The following MMD2 variants were observed in gnomAD, a reference collection of about 807,000 sequenced individuals.
MMD2 encodes the protein monocyte to macrophage differentiation associated 2, also known as monocyte to macrophage differentiation factor 2.
Under a neutral mutation model 33.5 loss-of-function variants are expected in MMD2, and 30 were observed. The ratio of observed to expected loss-of-function variants is 0.90; its 90% CI spans 0.67 to 1.22. The LOEUF (loss-of-function observed/expected upper bound fraction) is 1.22, where lower values mean the gene tolerates loss of function less well. Among genes scored for constraint, MMD2 ranks in the 50% most tolerant of loss-of-function variants. The probability of loss-of-function intolerance (pLI) is 0.00; values close to 1 mark genes in which losing one functional copy is unlikely to be tolerated. For missense variants in MMD2, 364 were observed against 325.4 expected (o/e 1.12, Z -0.91); for synonymous variants, 129 against 123.0 (o/e 1.05, Z -0.32).
At chr7:4,951,044 G>C (rs1392967584) in intron 1 of MMD2, among the ~76,000 whole-genome samples, 1 of 152,026 alleles carries the variant, frequency 6.6e-6, no homozygotes, top group Non-Finnish European at 1.5e-5. Context: ...CATTGCATAA[G>C]AGAGTGCCCT....
chr7:4,954,284 G>GTCTTTT (rs1381826434), intron 1 of MMD2, among the ~76,000 whole-genome samples: 1 of 151,960 alleles, frequency 6.6e-6, no homozygotes, highest in African/African-American at 2.4e-5. Context: ...TTGGTTATTT[G>GTCTTTT]TCTTTTTCTA....
At chr7:4,958,887 C>A in intron 1 of MMD2, 84 bp downstream of exon 1, 1 of 1,171,472 alleles carries the variant, frequency 8.5e-7, no homozygotes, top group Non-Finnish European at 1.1e-6. Context: ...GGCGGCGGGG[C>A]CCGAGAACCA....
At chr7:4,952,185 G>A (rs184803403) in intron 1 of MMD2, among the ~76,000 whole-genome samples, 2 of 152,334 alleles carry the variant, frequency 1.3e-5, no homozygotes, top group Non-Finnish European at 2.9e-5. Context: ...GCTCCCAGCG[G>A]CTTGCAGTCT....
chr7:4,934,915 G>A (rs1401213625), intron 1 of MMD2, among the ~76,000 whole-genome samples: 1 of 152,220 alleles, frequency 6.6e-6, no homozygotes, highest in Non-Finnish European at 1.5e-5. Context: ...GCCGAGCGGG[G>A]TGGCTCACGC....
At chr7:4,937,998 C>CTTTTTTTTTTTTTTTTTTTTTT (rs1785791916) in intron 1 of MMD2, among the ~76,000 whole-genome samples, 1 of 62,728 alleles carries the variant, frequency 1.6e-5, no homozygotes, top group Non-Finnish European at 3.2e-5. Flanking sequence ...TTTTTTCTTT[C>CTTTTTTTTTTTTTTTTTTTTTT]TTTCTTTTTT....
the MMD2 span, among the ~76,000 whole-genome samples, chr7:4,892,890 A>G: frequency 6.6e-6 from 1 of 151,728 alleles, no homozygotes; most frequent in African/African-American, 2.4e-5. Flanking sequence ...AATTTTTTGT[A>G]TTTTTAGTAC....
chr7:4,916,137 C>A (rs1785136934), intron 3 of MMD2, 58 bp from the exon 4 acceptor site: 1 of 1,535,484 alleles, frequency 6.5e-7, no homozygotes, highest in Non-Finnish European at 9.0e-7. Flanking sequence ...AGGGCCAGTG[C>A]CCCCAGAGCC....
At chr7:4,916,183 C>G (rs1785138110) in intron 3 of MMD2, 104 bp from the exon 4 acceptor site, 5 of 1,020,850 alleles carry the variant, frequency 4.9e-6, no homozygotes, top group African/African-American at 1.6e-5. Context: ...TACAGGTTAG[C>G]AGGGCTGGGC....
rs1386698485 is a variant in MMD2 at position 4,940,368 on chromosome 7, G to A, written c.48-14836C>T. Among the ~76,000 whole-genome samples, 1 of 152,134 alleles carries A rather than the reference G, an allele frequency of 6.6e-6. No individual in the cohort carries two copies. The highest frequency in any genetic ancestry group is 2.4e-5 in the African/African-American group (1 of 41,418). On this transcript the variant is annotated intron_variant, in intron 1 of 6. Transcript: ENST00000401401. The surrounding 1 kb of genome is among the most constrained non-coding windows in gnomAD (Gnocchi z 5.0). ...CCTGACCCCTTTCATGAATGAGCCC[G>A]GGCCCCGGAACGCGGCTGCAGCCAC... is the stretch of plus-strand genomic sequence containing the variant.
chr7:4,935,614 G>C (rs574178138), intron 1 of MMD2, among the ~76,000 whole-genome samples: 49 of 147,012 alleles, frequency 3.3e-4, no homozygotes, highest in Non-Finnish European at 6.7e-4. Flanking sequence ...GGAGGTTGAG[G>C]CTGCAGTGAG....
At chr7:4,936,788 G>A (rs1027674469) in intron 1 of MMD2, among the ~76,000 whole-genome samples, 1 of 151,998 alleles carries the variant, frequency 6.6e-6, no homozygotes, top group Admixed American at 6.6e-5. Context: ...AGGCTGGAGT[G>A]CAATGGCGCG....
At chr7:4,918,457 T>C (rs1043506675) in intron 3 of MMD2, among the ~76,000 whole-genome samples, 2 of 150,728 alleles carry the variant, frequency 1.3e-5, no homozygotes, top group Admixed American at 6.7e-5. Flanking sequence ...CAAATAAGGT[T>C]TCTTTTCTTT....
chr7:4,931,548 G>A (rs979958699), intron 1 of MMD2, among the ~76,000 whole-genome samples: 1 of 151,954 alleles, frequency 6.6e-6, no homozygotes, highest in Non-Finnish European at 1.5e-5. Flanking sequence ...GAACTCCTGG[G>A]CTCCACGGAT....
intron 4 of MMD2, 85 bp from the exon 5 acceptor site, chr7:4,911,331 G>A: frequency 1.8e-6 from 2 of 1,100,190 alleles, no homozygotes; most frequent in Non-Finnish European, 1.3e-6. Flanking sequence ...CACAGGAAAT[G>A]GACCCCAGGG....
intron 3 of MMD2, among the ~76,000 whole-genome samples, chr7:4,918,675 A>T (rs969378669): frequency 3.3e-5 from 5 of 151,902 alleles, no homozygotes; most frequent in African/African-American, 7.2e-5. Flanking sequence ...TTTAGGAGAG[A>T]CAGGGTTTCA....
intron 1 of MMD2, among the ~76,000 whole-genome samples, chr7:4,951,470 C>G (rs1786241487): frequency 1.3e-5 from 2 of 152,200 alleles, no homozygotes; most frequent in Non-Finnish European, 2.9e-5. Flanking sequence ...CTTCAATGTC[C>G]TTCCCTCACC....
chr7:4,895,812 G>A, the MMD2 span, among the ~76,000 whole-genome samples: 12 of 151,870 alleles, frequency 7.9e-5, no homozygotes, highest in Non-Finnish European at 1.8e-4. Flanking sequence ...GGGATTACAG[G>A]CGTGAACCAC....
At chr7:4,916,200 G>A (rs1785138523) in intron 3 of MMD2, 121 bp from the exon 4 acceptor site, 3 of 818,866 alleles carry the variant, frequency 3.7e-6, no homozygotes, top group African/African-American at 3.4e-5. Context: ...GGGCTCCTCT[G>A]TCCAGCCAAG....
At chr7:4,925,133 G>A (rs550737378) in intron 2 of MMD2, among the ~76,000 whole-genome samples, 1 of 152,172 alleles carries the variant, frequency 6.6e-6, no homozygotes, top group African/African-American at 2.4e-5. Flanking sequence ...GTTTCACCAT[G>A]TTGGCCAGGC....
Sources: gnomAD v4.1 joint callset for allele counts (sites outside exome capture counted in the v4.1 genomes callset) on GRCh38, gnomAD v4.1.1 for gene constraint, Gnocchi (gnomAD v3.1) non-coding constraint, MANE v1.5 for transcripts, NCBI Gene and HGNC (gene_info 2026-07-23, HGNC 2026-07-21) for gene names.